Variants in RFX3 observed in about 807,000 individuals in gnomAD.
RFX3 encodes regulatory factor X3.
RFX3 carries 14 observed loss-of-function variants against 98.6 expected under a neutral mutation model. That is an observed-to-expected ratio of 0.14 (90% CI 0.09 to 0.22). RFX3 has a LOEUF of 0.22. Ranked by LOEUF, RFX3 falls within the 10% of genes least tolerant of loss-of-function variation. RFX3 has a pLI of 1.00. For missense variants in RFX3, 639 were observed against 926.9 expected (o/e 0.69, Z 4.03); for synonymous variants, 383 against 328.4 (o/e 1.17, Z -1.80).
chr9:3,311,293 C>G (rs1829929263), intron 4 of RFX3, among the ~76,000 whole-genome samples: 2 of 152,128 alleles, frequency 1.3e-5, no homozygotes, highest in South Asian at 4.1e-4. Context: ...AACATTTCTA[C>G]CTGGTTTGCA....
At chr9:3,430,917 A>C (rs1205609496) in intron 1 of RFX3, among the ~76,000 whole-genome samples, 1 of 152,226 alleles carries the variant, frequency 6.6e-6, no homozygotes, top group Admixed American at 6.5e-5. Flanking sequence ...ACCATAAAAT[A>C]TATATAAATC....
chr9:3,288,202 G>A lies in RFX3; in HGVS notation c.780C>T (p.Ser260=), dbSNP rs1310582804. The A allele has an allele frequency of 3.1e-6, 5 of 1,612,214 alleles. No homozygotes were observed. The highest frequency in any genetic ancestry group is 2.2e-5 in the East Asian group (1 of 44,800). The part of the protein sequence containing the change: ...HYYGIRVKPD[S]PLNRLQEDMQ... Reference sequence around the variant, plus strand: ...TGTCTTCTTGCAGACGATTAAGAGGGGAATCTGGCTTGACACGAATCCCAT... The same window carrying A: ...TGTCTTCTTGCAGACGATTAAGAGGAGAATCTGGCTTGACACGAATCCCAT... The change falls in exon 7 of 17, where the codon TCC becomes TCT. Residue 260 remains serine, a synonymous_variant. Coordinates refer to ENST00000617270, the MANE Select transcript of RFX3 (RefSeq NM_001282116.2).
intron 4 of RFX3, among the ~76,000 whole-genome samples, chr9:3,314,319 T>C (rs1264839172): frequency 3.9e-5 from 6 of 152,106 alleles, no homozygotes; most frequent in African/African-American, 7.2e-5. Flanking sequence ...GACAAGCAAA[T>C]GCTGAGAGAC....
rs564431895 is a variant in RFX3, at chr9:3,248,918, T to TA, written c.1815-734dup. The stretch of plus-strand genomic sequence containing the variant: ...AAAATACTTATAATAAACTCTATTA[T>TA]ATTTAAAATGGAAATGAGTCCAAAA... On this transcript the variant is annotated intron_variant, in intron 14 of 16. Transcript: ENST00000617270. Among the ~76,000 whole-genome samples, 673 of 152,296 alleles carry TA rather than the reference T, an allele frequency of 4.4e-3. 7 individuals carry two copies. The highest frequency in any genetic ancestry group is 0.016 in the African/African-American group (650 of 41,566).
chr9:3,375,699 A>G (rs1005525072), intron 2 of RFX3, among the ~76,000 whole-genome samples: 9 of 152,082 alleles, frequency 5.9e-5, no homozygotes, highest in Admixed American at 4.6e-4. Flanking sequence ...GGTGGCTCAC[A>G]CCTGTAATCC....
intron 1 of RFX3, among the ~76,000 whole-genome samples, chr9:3,433,619 G>A (rs1210637973): frequency 6.6e-6 from 1 of 152,100 alleles, no homozygotes; most frequent in East Asian, 1.9e-4. Flanking sequence ...ACTGTTCAAG[G>A]GTCAACTGTA....
At chr9:3,360,585 T>G (rs1836305964) in intron 2 of RFX3, among the ~76,000 whole-genome samples, 1 of 152,138 alleles carries the variant, frequency 6.6e-6, no homozygotes, top group Admixed American at 6.6e-5. Flanking sequence ...CTAGATGAAT[T>G]AAAAAACTTA....
At position 3,256,982 on chromosome 9, in the gene RFX3, A is replaced by C; in HGVS notation, c.1814+9T>G. 1 of 1,613,108 alleles carries C rather than the reference A, an allele frequency of 6.2e-7. No homozygotes were observed. The highest frequency in any genetic ancestry group is 1.1e-5 in the South Asian group (1 of 91,048). On this transcript the variant is annotated intron_variant, in intron 14 of 16. Transcript: ENST00000617270. ...GAAGAAGAAAGCCTAGGAAAAACCT[A>C]GATGATACCTGTAGAAAGACCATTT...
In RFX3 at chr9:3,381,924, T is replaced by TTTTG. The variant is rs567112346; in HGVS notation, c.117+13544_117+13547dup. Among the ~76,000 whole-genome samples, 113 of 152,294 alleles carry TTTTG rather than the reference T, an allele frequency of 7.4e-4. 1 individual carries two copies. The South Asian group carries it at 0.022, about 30-fold the overall frequency. On this transcript the variant is annotated intron_variant, in intron 2 of 16. Transcript: ENST00000617270. The stretch of plus-strand genomic sequence containing the variant: ...CTACTTTCAGTTTTGAGCCTTACTT[T>TTTTG]TTTGTTTGTTTGTTTGTTTGCTTGT...
intron 4 of RFX3, among the ~76,000 whole-genome samples, chr9:3,312,006 C>A (rs554908081): frequency 6.6e-6 from 1 of 152,130 alleles, no homozygotes; most frequent in Non-Finnish European, 1.5e-5. Context: ...TTGCCCAAAG[C>A]AGTGTTTTTC....
At chr9:3,373,740 G>C (rs993865271) in intron 2 of RFX3, among the ~76,000 whole-genome samples, 1 of 151,954 alleles carries the variant, frequency 6.6e-6, no homozygotes, top group South Asian at 2.1e-4. Context: ...AGGAGAAGGC[G>C]AAAGATTAGG....
At chr9:3,308,413 G>A (rs1451654530) in intron 4 of RFX3, among the ~76,000 whole-genome samples, 1 of 152,188 alleles carries the variant, frequency 6.6e-6, no homozygotes, top group Non-Finnish European at 1.5e-5. Context: ...TAGACAGACT[G>A]CTGAAATGTC....
At chr9:3,372,222 G>C (rs1254246282) in intron 2 of RFX3, among the ~76,000 whole-genome samples, 3 of 152,088 alleles carry the variant, frequency 2.0e-5, no homozygotes, top group Non-Finnish European at 4.4e-5. Context: ...ATGACCAACA[G>C]AAATACGTGT....
At chr9:3,251,241 T>TAA (rs1183471995) in intron 14 of RFX3, among the ~76,000 whole-genome samples, 2 of 152,192 alleles carry the variant, frequency 1.3e-5, no homozygotes, top group Non-Finnish European at 2.9e-5. Flanking sequence ...TAGCCTATGG[T>TAA]AAACAACTGG....
intron 2 of RFX3, among the ~76,000 whole-genome samples, chr9:3,359,056 A>G (rs1836110012): frequency 1.3e-5 from 2 of 151,742 alleles, no homozygotes; most frequent in African/African-American, 4.8e-5. Flanking sequence ...TCTGGTATGC[A>G]TGGTTTTTCT....
chr9:3,235,393 A>G lies in RFX3; in HGVS notation c.1969-6504T>C, dbSNP rs577002876. ...TAATATACTGGAGGAAGAACCTATA[A>G]TCCGTAAGTCTTCAATGAGCAATAT... On this transcript the variant is annotated intron_variant, in intron 15 of 16. Coordinates refer to ENST00000617270, the MANE Select transcript of RFX3 (RefSeq NM_001282116.2). 2.6e-5 allele frequency among the ~76,000 whole-genome samples: 4 copies of G among 152,332 alleles called. No individual in the cohort carries two copies. The East Asian group carries it at 7.7e-4, about 29-fold the overall frequency.
intron 4 of RFX3, among the ~76,000 whole-genome samples, chr9:3,316,670 C>T (rs921303512): frequency 6.6e-6 from 1 of 152,182 alleles, no homozygotes; most frequent in African/African-American, 2.4e-5. Flanking sequence ...TAAGCAACTT[C>T]AGCAAAGTCT....
chr9:3,478,500 C>A (rs1184174483), intron 1 of RFX3, among the ~76,000 whole-genome samples: 1 of 151,280 alleles, frequency 6.6e-6, no homozygotes, highest in Non-Finnish European at 1.5e-5. Flanking sequence ...TAGTAGTCAA[C>A]CAATGATCAT....
intron 15 of RFX3, among the ~76,000 whole-genome samples, chr9:3,234,246 T>G (rs577434): frequency 2.0e-5 from 3 of 152,094 alleles, no homozygotes; most frequent in Admixed American, 1.3e-4. Context: ...TTATAGTCCA[T>G]TAGGACTCTG....
Sources: allele counts gnomAD v4.1 joint callset (sites outside exome capture counted in the v4.1 genomes callset), GRCh38; gene constraint gnomAD v4.1.1; transcripts MANE v1.5; gene names NCBI Gene and HGNC (gene_info 2026-07-23, HGNC 2026-07-21).